The following GRAMD1C variants were observed in gnomAD, a reference collection of about 807,000 sequenced individuals.
GRAMD1C encodes the protein protein Aster-C.
A neutral mutation model predicts 97.8 loss-of-function variants in GRAMD1C; 89 were observed. That is an observed-to-expected ratio of 0.91 (90% CI 0.77 to 1.09). GRAMD1C has a LOEUF of 1.09. Ranked by LOEUF, GRAMD1C falls within the 50% of genes least tolerant of loss-of-function variation. The pLI, the probability that GRAMD1C is intolerant of heterozygous loss-of-function variation, is 0.00. For synonymous variants in GRAMD1C, 256 were observed against 267.0 expected, an observed-to-expected ratio of 0.96 and a Z score of 0.40; for missense variants, 740 against 766.4, an observed-to-expected ratio of 0.97 and a Z score of 0.41.
intron 3 of GRAMD1C, among the ~76,000 whole-genome samples, chr3:113,874,264 C>G (rs938624423): frequency 1.3e-5 from 2 of 152,154 alleles, no homozygotes; most frequent in Non-Finnish European, 2.9e-5. Flanking sequence ...TTTACATTCT[C>G]CACAGAGCCA....
At chr3:113,863,699 T>C (rs991007210) in intron 2 of GRAMD1C, among the ~76,000 whole-genome samples, 1 of 152,212 alleles carries the variant, frequency 6.6e-6, no homozygotes, top group African/African-American at 2.4e-5. Flanking sequence ...CCTGCCTCCA[T>C]GATTTTGCTA....
At position 113,903,272 on chromosome 3, in the gene GRAMD1C, C is replaced by T. The variant is rs116823675; in HGVS notation, c.657-868C>T. Among the ~76,000 whole-genome samples, 1,293 of 152,058 alleles carry T rather than the reference C, an allele frequency of 8.5e-3. 13 individuals carry two copies. Among genetic ancestry groups the T allele is most frequent in the Middle Eastern group, 0.031 (9 of 290 alleles). ...ACAGGCATGAGCCATCATGCCCGGTCGGCCTGAATGCTTTCTAAGAAAGTG... is the reference window on the plus strand; with the variant it reads ...ACAGGCATGAGCCATCATGCCCGGTTGGCCTGAATGCTTTCTAAGAAAGTG... On this transcript the variant is annotated intron_variant, in intron 7 of 17. Transcript: ENST00000358160.
intron 17 of GRAMD1C, among the ~76,000 whole-genome samples, chr3:113,941,481 CT>C (rs980616657): frequency 2.0e-5 from 3 of 152,024 alleles, no homozygotes; most frequent in African/African-American, 7.3e-5. Flanking sequence ...ATCTCTTAGT[CT>C]TTTTGGTCTG....
intron 3 of GRAMD1C, among the ~76,000 whole-genome samples, chr3:113,871,744 CAAAAAAAAA>C (rs1179822586): frequency 1.5e-5 from 1 of 65,410 alleles, no homozygotes; most frequent in South Asian, 6.7e-4. Context: ...GACTCTGTCT[CAAAAAAAAA>C]AAAAAAAAAA....
chr3:113,894,712 G>A (rs1051167878), intron 6 of GRAMD1C, among the ~76,000 whole-genome samples: 4 of 152,204 alleles, frequency 2.6e-5, no homozygotes, highest in Non-Finnish European at 5.9e-5. Flanking sequence ...GTCTAATAGA[G>A]CAGAAATCTG....
At chr3:113,845,787 G>A (rs1933580532) in intron 2 of GRAMD1C, among the ~76,000 whole-genome samples, 1 of 152,128 alleles carries the variant, frequency 6.6e-6, no homozygotes, top group Non-Finnish European at 1.5e-5. Flanking sequence ...TGTAATTTTA[G>A]AGTAGGCTAA....
intron 2 of GRAMD1C, among the ~76,000 whole-genome samples, chr3:113,868,138 T>TA (rs767890455): frequency 1.2e-3 from 183 of 152,310 alleles, no homozygotes; most frequent in Non-Finnish European, 2.3e-3. Context: ...CAGTTTTTTG[T>TA]AAAAAATCTA....
At chr3:113,881,264 C>T (rs1269484236) in intron 5 of GRAMD1C, among the ~76,000 whole-genome samples, 1 of 152,214 alleles carries the variant, frequency 6.6e-6, no homozygotes, top group East Asian at 1.9e-4. Flanking sequence ...AAGCGATTCT[C>T]CAGCCTCAGC....
rs192292126 is a variant in GRAMD1C, at chr3:113,891,562, T to A, written c.540+8730T>A. 4.2e-3 allele frequency among the ~76,000 whole-genome samples: 637 copies of A among 152,090 alleles called. 13 individuals carry two copies. The highest frequency in any genetic ancestry group is 0.036 in the South Asian group (171 of 4,814). ...CTATTAAAACAACTTTATAAGTAAT[T>A]TGAATAATACATTTGATATATATTA... On this transcript the variant is annotated intron_variant, in intron 6 of 17. Transcript: ENST00000358160.
intron 2 of GRAMD1C, among the ~76,000 whole-genome samples, chr3:113,858,148 GAACTTAAT>G (rs1257730121): frequency 6.6e-6 from 1 of 152,060 alleles, no homozygotes; most frequent in Non-Finnish European, 1.5e-5. Context: ...TTTTAATTGT[GAACTTAAT>G]TTCCTTAATT....
chr3:113,861,024 T>C (rs1161117018), intron 2 of GRAMD1C, among the ~76,000 whole-genome samples: 1 of 151,054 alleles, frequency 6.6e-6, no homozygotes, highest in Non-Finnish European at 1.5e-5. Flanking sequence ...GGGAGTAGAA[T>C]TGAGAGTTCA....
At chr3:113,883,866 T>G (rs1463072686) in intron 6 of GRAMD1C, among the ~76,000 whole-genome samples, 1 of 152,160 alleles carries the variant, frequency 6.6e-6, no homozygotes, top group African/African-American at 2.4e-5. Context: ...AACTTGGGAC[T>G]GCGTGTGGTG....
At chr3:113,875,332 A>G (rs1934982271) in intron 3 of GRAMD1C, 152 bp from the exon 4 acceptor site, 2 of 534,766 alleles carry the variant, frequency 3.7e-6, no homozygotes, top group South Asian at 5.7e-5. Context: ...ACAGCAAAAT[A>G]TCTGACATAT....
chr3:113,850,455 G>C (rs1029030454), intron 2 of GRAMD1C: 1 of 1,372,330 alleles, frequency 7.3e-7, no homozygotes, highest in African/African-American at 1.4e-5. Flanking sequence ...CTGCAGCGTA[G>C]GGTGGCAGCA....
chr3:113,922,791 G>GT (rs1937107670), intron 10 of GRAMD1C, among the ~76,000 whole-genome samples: 1 of 152,138 alleles, frequency 6.6e-6, no homozygotes, highest in Non-Finnish European at 1.5e-5. Context: ...TTTTAGAATA[G>GT]TTTTTTCCTA....
chr3:113,904,750 G>A (rs949516237), intron 8 of GRAMD1C, among the ~76,000 whole-genome samples: 3 of 152,166 alleles, frequency 2.0e-5, no homozygotes, highest in African/African-American at 7.2e-5. Context: ...GGCAGGTCCA[G>A]TTAACTACTA....
Position 113,844,572 on chromosome 3 carries a change from A to C in GRAMD1C, c.97A>C (p.Thr33Pro), listed in dbSNP as rs369374562. Reference sequence around the variant, plus strand: ...AGATGTAGAGGAAAATCCTAGTCCAACTGTGGAAGAGAATAATGTGGTAGT... The same window carrying C: ...AGATGTAGAGGAAAATCCTAGTCCACCTGTGGAAGAGAATAATGTGGTAGT... ...QEDVEENPSP[T>P]VEENNVVVKK... The change falls in exon 2 of 18, where the codon ACT becomes CCT. Residue 33 changes from threonine (T) to proline (P), a missense_variant. Physicochemically the swap from Thr to Pro is conservative, Grantham distance 38. Coordinates refer to ENST00000358160, the MANE Select transcript of GRAMD1C (RefSeq NM_017577.5). 7 of 1,604,218 alleles carry C rather than the reference A, an allele frequency of 4.4e-6. No individual in the cohort carries two copies. The highest frequency in any genetic ancestry group is 6.0e-6 in the Non-Finnish European group (7 of 1,172,530).
intron 10 of GRAMD1C, chr3:113,919,723 G>A: frequency 3.4e-6 from 2 of 595,940 alleles, no homozygotes; most frequent in South Asian, 3.0e-5. Flanking sequence ...AGATAGAAGT[G>A]GGCATTGAAG....
intron 6 of GRAMD1C, chr3:113,885,558 G>GT: frequency 6.3e-7 from 1 of 1,579,312 alleles, no homozygotes; most frequent in South Asian, 1.1e-5. Flanking sequence ...AGTCCGGCCT[G>GT]TTAGGCCTCC....
Sources: allele counts gnomAD v4.1 joint callset (sites outside exome capture counted in the v4.1 genomes callset), GRCh38; gene constraint gnomAD v4.1.1; transcripts MANE v1.5; gene names NCBI Gene and HGNC (gene_info 2026-07-23, HGNC 2026-07-21).